CDH20: variants seen among roughly 807,000 people sequenced by gnomAD.
CDH20 encodes cadherin 20.
CDH20 carries 29 observed loss-of-function variants against 74.2 expected under a neutral mutation model. The observed-to-expected ratio is 0.39, with a 90% CI of 0.29 to 0.53. The LOEUF (loss-of-function observed/expected upper bound fraction) is 0.53, where lower values mean the gene tolerates loss of function less well. Among genes scored for constraint, CDH20 ranks in the 20% least tolerant of loss-of-function variants. The pLI, the probability that CDH20 is intolerant of heterozygous loss-of-function variation, is 0.69. For synonymous variants in CDH20, 469 were observed against 405.4 expected (o/e 1.16, Z -1.88); for missense variants, 988 against 1,048.3 (o/e 0.94, Z 0.79).
rs1446481624 is a variant in CDH20, at chr18:61,536,645, A to G, written c.1408+16A>G. On this transcript the variant is annotated intron_variant, in intron 8 of 11. Coordinates refer to ENST00000262717, the MANE Select transcript of CDH20 (RefSeq NM_031891.4). ...ATGGAAATGAGTAAGTAGCACAGTA[A>G]GTTGGTCTCCATGCAGTGACAAAAT... 6.2e-7 allele frequency: 1 copy of G among 1,612,448 alleles called. No individual in the cohort carries two copies. Among genetic ancestry groups the G allele is most frequent in the Admixed American group, 1.7e-5 (1 of 59,960 alleles).
intron 1 of CDH20, among the ~76,000 whole-genome samples, chr18:61,450,390 A>T (rs889731547): frequency 1.7e-4 from 24 of 137,808 alleles, no homozygotes; most frequent in African/African-American, 6.2e-4. Context: ...ACCCCTTTAA[A>T]AAAAAAAAAA....
chr18:61,499,041 T>C, intron 2 of CDH20, 145 bp from the exon 3 acceptor site: 1 of 617,614 alleles, frequency 1.6e-6, no homozygotes, highest in Admixed American at 3.1e-5. Flanking sequence ...CAATGCATAC[T>C]AGTTCTTTGT....
intron 1 of CDH20, among the ~76,000 whole-genome samples, chr18:61,409,279 C>G (rs749690173): frequency 2.0e-5 from 3 of 152,156 alleles, no homozygotes; most frequent in South Asian, 4.1e-4. Context: ...TCTGTGCCCC[C>G]ACCCCGCATC....
intron 2 of CDH20, among the ~76,000 whole-genome samples, chr18:61,495,600 C>G (rs1233481390): frequency 6.6e-6 from 1 of 152,156 alleles, no homozygotes; most frequent in East Asian, 1.9e-4. Flanking sequence ...GGCACCTCCT[C>G]GAAGCTCCTG....
chr18:61,526,121 C>CTTTTTTTTTTTTT (rs765492185), intron 6 of CDH20, among the ~76,000 whole-genome samples: 1 of 90,208 alleles, frequency 1.1e-5, no homozygotes, highest in African/African-American at 4.8e-5. Flanking sequence ...AAAAAGTTGA[C>CTTTTTTTTTTTTT]TTTTTTTTTT....
At chr18:61,486,397 C>A (rs904818146) in intron 1 of CDH20, among the ~76,000 whole-genome samples, 1 of 152,168 alleles carries the variant, frequency 6.6e-6, no homozygotes, top group African/African-American at 2.4e-5. Context: ...AATACACGAA[C>A]AACTTTTTAC....
intron 1 of CDH20, among the ~76,000 whole-genome samples, chr18:61,419,464 C>G (rs1249556810): frequency 1.3e-5 from 2 of 152,138 alleles, no homozygotes; most frequent in African/African-American, 4.8e-5. Flanking sequence ...TACATATAAA[C>G]AAATGTGCAT....
At chr18:61,436,663 G>A (rs778455620) in intron 1 of CDH20, among the ~76,000 whole-genome samples, 9 of 152,126 alleles carry the variant, frequency 5.9e-5, no homozygotes, top group Non-Finnish European at 1.3e-4. Context: ...ATTTCTATTT[G>A]TGGGATTTTT....
chr18:61,404,407 TA>T, intron 1 of CDH20, among the ~76,000 whole-genome samples: 2 of 152,146 alleles, frequency 1.3e-5, no homozygotes, highest in Non-Finnish European at 2.9e-5. Flanking sequence ...CACCAAAATA[TA>T]ACAAGGTCTG....
intron 1 of CDH20, among the ~76,000 whole-genome samples, chr18:61,436,386 G>T (rs1326392749): frequency 1.3e-5 from 2 of 152,300 alleles, no homozygotes; most frequent in East Asian, 1.9e-4. Context: ...GTGCATGAGG[G>T]TTCCAACTTC....
intron 1 of CDH20, among the ~76,000 whole-genome samples, chr18:61,448,607 T>C (rs1909277772): frequency 6.6e-6 from 1 of 152,196 alleles, no homozygotes; most frequent in African/African-American, 2.4e-5. Context: ...GAGCCTTCCC[T>C]GAATCGAGCT....
At position 61,432,301 on chromosome 18, in the gene CDH20, C is replaced by T. The variant is rs189638183; in HGVS notation, c.-152-58101C>T. Among the ~76,000 whole-genome samples the T allele has an allele frequency of 2.7e-3, 403 of 151,590 alleles. 2 individuals are homozygous for T. Among genetic ancestry groups the T allele is most frequent in the Non-Finnish European group, 3.8e-3 (259 of 67,908 alleles). On this transcript the variant is annotated intron_variant, in intron 1 of 11. Transcript: ENST00000262717. ...ATTATATGGTCACCCTACTGTGCCA[C>T]GGCACTGCCCTGACCAGCATGCTTT... is the stretch of plus-strand genomic sequence containing the variant.
At chr18:61,443,188 C>G (rs1468483282) in intron 1 of CDH20, among the ~76,000 whole-genome samples, 2 of 152,138 alleles carry the variant, frequency 1.3e-5, no homozygotes, top group African/African-American at 4.8e-5. Flanking sequence ...AGTGAGCCCA[C>G]TGATCCTTAG....
intron 2 of CDH20, among the ~76,000 whole-genome samples, chr18:61,494,638 G>GC (rs1911069153): frequency 6.6e-6 from 1 of 152,174 alleles, no homozygotes. Context: ...TAGAGAGCTT[G>GC]CCAGAGTATT....
intron 2 of CDH20, among the ~76,000 whole-genome samples, chr18:61,493,587 G>A (rs1286761807): frequency 6.6e-6 from 1 of 152,138 alleles, no homozygotes; most frequent in African/African-American, 2.4e-5. Flanking sequence ...GTTTGTCCCT[G>A]ACCCCACATG....
At chr18:61,395,197 G>A (rs1911924111) in intron 1 of CDH20, among the ~76,000 whole-genome samples, 1 of 152,144 alleles carries the variant, frequency 6.6e-6, no homozygotes, top group South Asian at 2.1e-4. Flanking sequence ...AAAGAATGCA[G>A]GCTCTGGAGC....
At chr18:61,511,538 G>T (rs570230140) in intron 6 of CDH20, among the ~76,000 whole-genome samples, 6 of 152,152 alleles carry the variant, frequency 3.9e-5, no homozygotes, top group Non-Finnish European at 7.4e-5. Context: ...ACCAGAAAAA[G>T]AACTTTTGGG....
At chr18:61,424,343 C>T (rs1912994645) in intron 1 of CDH20, among the ~76,000 whole-genome samples, 1 of 152,214 alleles carries the variant, frequency 6.6e-6, no homozygotes, top group African/African-American at 2.4e-5. Flanking sequence ...GTGCTACAAG[C>T]ACTGAAGACT....
At chr18:61,441,981 T>C (rs1754060325) in intron 1 of CDH20, among the ~76,000 whole-genome samples, 5 of 152,122 alleles carry the variant, frequency 3.3e-5, no homozygotes, top group Admixed American at 3.3e-4. Flanking sequence ...CAGTACCTGA[T>C]TCTCCTCCTG....
Sources: gnomAD v4.1 joint callset for allele counts (sites outside exome capture counted in the v4.1 genomes callset) on GRCh38, gnomAD v4.1.1 for gene constraint, MANE v1.5 for transcripts, NCBI Gene and HGNC (gene_info 2026-07-23, HGNC 2026-07-21) for gene names.